Variants in ERICH6B observed in about 807,000 individuals in gnomAD.
ERICH6B encodes the protein glutamate rich 6B.
Under a neutral mutation model 80.0 loss-of-function variants are expected in ERICH6B, and 69 were observed. That is an observed-to-expected ratio of 0.86 (90% CI 0.71 to 1.05). The LOEUF (loss-of-function observed/expected upper bound fraction) is 1.05, where lower values mean the gene tolerates loss of function less well. Among genes scored for constraint, ERICH6B ranks in the 50% least tolerant of loss-of-function variants. ERICH6B has a pLI of 0.00. For missense variants in ERICH6B, 754 were observed against 796.1 expected (o/e 0.95, Z 0.64); for synonymous variants, 283 against 291.9 (o/e 0.97, Z 0.31).
intron 5 of ERICH6B, 31 bp downstream of exon 5, chr13:45,587,032 C>G (rs747547043): frequency 6.5e-7 from 1 of 1,541,872 alleles, no homozygotes; most frequent in Non-Finnish European, 8.8e-7. Flanking sequence ...AGCCCGGCTG[C>G]GCCTCACCGA....
intron 5 of ERICH6B, among the ~76,000 whole-genome samples, chr13:45,581,061 G>T (rs142464063): frequency 1.3e-5 from 2 of 152,272 alleles, no homozygotes; most frequent in African/African-American, 4.8e-5. Flanking sequence ...GACACACAAT[G>T]CGGTGTGCCT....
intron 3 of ERICH6B, among the ~76,000 whole-genome samples, chr13:45,594,566 A>G (rs371933698): frequency 1.4e-4 from 21 of 152,366 alleles, no homozygotes; most frequent in East Asian, 9.6e-4. Context: ...TACAGAAAAG[A>G]GAGTTTCCCA....
chr13:45,583,261 T>C (rs1875748249), intron 5 of ERICH6B, among the ~76,000 whole-genome samples: 1 of 152,240 alleles, frequency 6.6e-6, no homozygotes, highest in Non-Finnish European at 1.5e-5. Context: ...AGTACTAGCC[T>C]GTCTGTCTTG....
intron 9 of ERICH6B, 54 bp downstream of exon 9, chr13:45,568,261 C>T (rs879224512): frequency 4.8e-6 from 7 of 1,470,834 alleles, no homozygotes; most frequent in Non-Finnish European, 4.5e-6. Context: ...CCTGCTGCCA[C>T]CTCTGGCATA....
intron 11 of ERICH6B, among the ~76,000 whole-genome samples, chr13:45,552,180 A>C (rs750708799): frequency 5.9e-5 from 9 of 152,226 alleles, no homozygotes; most frequent in African/African-American, 9.6e-5. Context: ...CTGGGGCAAG[A>C]GAACATAGCC....
At position 45,544,931 on chromosome 13, in the gene ERICH6B, C is replaced by A; in HGVS notation, c.1701G>T (p.Lys567Asn). The change falls in exon 14 of 15, where the codon AAG (lysine) becomes AAT (asparagine). Residue 567 changes from lysine to asparagine, a missense_variant. Physicochemically the swap from Lys to Asn is moderately conservative, Grantham distance 94 (BLOSUM62 0). Coordinates refer to ENST00000298738, the MANE Select transcript of ERICH6B (RefSeq NM_182542.3). ...GYYFPKDKRQ[K>N]AWNWWNLNIH... is the part of the protein sequence containing the mutation. ...TGTTCAGATTCCACCAGTTCCAGGC[C>A]TTCTGGCGTTTGTCTTTGGGGAAGT... 6.4e-7 allele frequency: 1 copy of A among 1,551,634 alleles called. No homozygotes were observed. Among genetic ancestry groups the A allele is most frequent in the South Asian group, 1.2e-5 (1 of 84,048 alleles).
At chr13:45,584,345 C>T (rs1875807506) in intron 5 of ERICH6B, among the ~76,000 whole-genome samples, 1 of 152,214 alleles carries the variant, frequency 6.6e-6, no homozygotes, top group Non-Finnish European at 1.5e-5. Context: ...ACCTGCCACC[C>T]TCTGGAGTCA....
intron 2 of ERICH6B, among the ~76,000 whole-genome samples, chr13:45,598,782 G>A (rs1243980854): frequency 6.6e-6 from 1 of 152,170 alleles, no homozygotes; most frequent in African/African-American, 2.4e-5. Flanking sequence ...GTCAACAGGT[G>A]GCCCCCAGCT....
chr13:45,566,189 G>A (rs1874905496), intron 9 of ERICH6B, among the ~76,000 whole-genome samples: 1 of 152,238 alleles, frequency 6.6e-6, no homozygotes, highest in Admixed American at 6.5e-5. Flanking sequence ...TTCAAGAGGT[G>A]ACTTGGGTGC....
chr13:45,586,537 A>T (rs1282675938), intron 5 of ERICH6B, among the ~76,000 whole-genome samples: 1 of 152,192 alleles, frequency 6.6e-6, no homozygotes, highest in East Asian at 1.9e-4. Flanking sequence ...TGTGTGTCTT[A>T]GCTGTAGCCA....
At chr13:45,599,692 TCA>T (rs1949814754) in intron 2 of ERICH6B, among the ~76,000 whole-genome samples, 1 of 152,292 alleles carries the variant, frequency 6.6e-6, no homozygotes, top group South Asian at 2.1e-4. Flanking sequence ...CCTTACAGTT[TCA>T]GTTTGATTAT....
intron 13 of ERICH6B, among the ~76,000 whole-genome samples, chr13:45,545,566 C>A (rs1873960329): frequency 6.6e-6 from 1 of 152,214 alleles, no homozygotes; most frequent in African/African-American, 2.4e-5. Context: ...AAAAGCAGCC[C>A]ATCCTGCTAG....
In ERICH6B at chr13:45,571,006, C is replaced by T. The variant is rs540470435; in HGVS notation, c.1051-2555G>A. Among the ~76,000 whole-genome samples, 8 of 146,048 alleles carry T rather than the reference C, an allele frequency of 5.5e-5. No homozygotes were observed. The South Asian group carries it at 1.8e-3, about 33-fold the overall frequency. On this transcript the variant is annotated intron_variant, in intron 8 of 14. Transcript: ENST00000298738. ...GTGTGGCATTCACTCCATTCTTCTC[C>T]TCCTGCTCTGTCCCTACTTGTCCAT...
intron 11 of ERICH6B, among the ~76,000 whole-genome samples, chr13:45,560,986 C>A (rs922278693): frequency 6.6e-6 from 1 of 152,074 alleles, no homozygotes; most frequent in Non-Finnish European, 1.5e-5. Context: ...TATTTACAGG[C>A]GTGATCATAG....
chr13:45,579,484 C>T (rs191481257), intron 7 of ERICH6B, among the ~76,000 whole-genome samples: 2 of 152,262 alleles, frequency 1.3e-5, no homozygotes, highest in South Asian at 4.2e-4. Flanking sequence ...TCTTCCCCCT[C>T]GTAGGATTCA....
chr13:45,599,693 C>T (rs568555097), intron 2 of ERICH6B, among the ~76,000 whole-genome samples: 1 of 152,260 alleles, frequency 6.6e-6, no homozygotes, highest in South Asian at 2.1e-4. Flanking sequence ...CTTACAGTTT[C>T]AGTTTGATTA....
At chr13:45,583,752 T>C (rs1875772864) in intron 5 of ERICH6B, among the ~76,000 whole-genome samples, 1 of 152,218 alleles carries the variant, frequency 6.6e-6, no homozygotes. Flanking sequence ...CTCAGTTCTC[T>C]CTCTTGCCTG....
chr13:45,587,015 C>T, intron 5 of ERICH6B, 48 bp downstream of exon 5: 1 of 1,521,276 alleles, frequency 6.6e-7, no homozygotes, highest in Non-Finnish European at 8.8e-7. Context: ...CCTCCCCTGG[C>T]CCACAGAGCC....
chr13:45,597,185 T>C (rs1360996178), intron 2 of ERICH6B, 122 bp from the exon 3 acceptor site: 1 of 688,642 alleles, frequency 1.5e-6, no homozygotes, highest in Non-Finnish European at 2.4e-6. Context: ...AGTATGCAGA[T>C]CAGTACATAG....
Sources: gnomAD v4.1 joint callset for allele counts (sites outside exome capture counted in the v4.1 genomes callset) on GRCh38, gnomAD v4.1.1 for gene constraint, MANE v1.5 for transcripts, NCBI Gene and HGNC (gene_info 2026-07-23, HGNC 2026-07-21) for gene names.